The following NCOA2 variants were observed in gnomAD, a reference collection of about 807,000 sequenced individuals.
NCOA2 encodes nuclear receptor coactivator 2.
Under a neutral mutation model 145.1 loss-of-function variants are expected in NCOA2, and 21 were observed. The observed-to-expected ratio is 0.14, with a 90% CI of 0.10 to 0.21. The LOEUF (loss-of-function observed/expected upper bound fraction) is 0.21. NCOA2 is among the 10% of genes least tolerant of loss of function. The pLI is 1.00. For missense variants in NCOA2, 1,472 were observed against 1,837.6 expected (o/e 0.80, Z 3.64); for synonymous variants, 619 against 637.5 (o/e 0.97, Z 0.44).
intron 1 of NCOA2, among the ~76,000 whole-genome samples, chr8:70,377,024 G>A (rs1811735862): frequency 1.3e-5 from 2 of 151,064 alleles, no homozygotes; most frequent in Non-Finnish European, 2.9e-5. Flanking sequence ...CACAGATGAC[G>A]ATGATGGCTT....
At chr8:70,162,990 C>T in intron 8 of NCOA2, 136 bp from the exon 9 acceptor site, 1 of 813,914 alleles carries the variant, frequency 1.2e-6, no homozygotes, top group Non-Finnish European at 1.8e-6. Flanking sequence ...TCTCAGCTCA[C>T]TGCAACCTCT....
intron 2 of NCOA2, among the ~76,000 whole-genome samples, chr8:70,266,483 T>C (rs1286204040): frequency 6.6e-6 from 1 of 152,176 alleles, no homozygotes; most frequent in Non-Finnish European, 1.5e-5. Flanking sequence ...AAAGCGGTTA[T>C]TTCTAACTGT....
the NCOA2 span, among the ~76,000 whole-genome samples, chr8:70,444,339 G>A: frequency 6.6e-6 from 1 of 152,218 alleles, no homozygotes; most frequent in African/African-American, 2.4e-5. Flanking sequence ...AGAGGTTAGG[G>A]AGTGGGGTAG....
intron 2 of NCOA2, among the ~76,000 whole-genome samples, chr8:70,275,844 T>C (rs1388350392): frequency 1.3e-5 from 2 of 152,202 alleles, no homozygotes; most frequent in Non-Finnish European, 2.9e-5. Flanking sequence ...GTGTCATAGA[T>C]ATATAGATAG....
chr8:70,223,752 G>A (rs1820365859), intron 2 of NCOA2, among the ~76,000 whole-genome samples: 1 of 152,182 alleles, frequency 6.6e-6, no homozygotes, highest in South Asian at 2.1e-4. Context: ...GAGAAATAAA[G>A]TAACTTGAAC....
At chr8:70,253,981 C>T (rs1375592504) in intron 2 of NCOA2, among the ~76,000 whole-genome samples, 1 of 152,106 alleles carries the variant, frequency 6.6e-6, no homozygotes, top group Non-Finnish European at 1.5e-5. Context: ...AAAAAAACTG[C>T]AAACCGTATA....
intron 2 of NCOA2, among the ~76,000 whole-genome samples, chr8:70,280,817 A>G (rs1028318408): frequency 3.3e-5 from 5 of 152,042 alleles, no homozygotes; most frequent in Non-Finnish European, 7.4e-5. Context: ...AATCCATTCT[A>G]CCCCTTACTT....
At chr8:70,228,832 A>G (rs1262255110) in intron 2 of NCOA2, among the ~76,000 whole-genome samples, 2 of 152,346 alleles carry the variant, frequency 1.3e-5, no homozygotes, top group Middle Eastern at 3.4e-3. Context: ...TCTGCCTGAT[A>G]CTAAAATGAA....
chr8:70,153,180 G>A (rs1811934053), intron 11 of NCOA2, among the ~76,000 whole-genome samples: 1 of 152,164 alleles, frequency 6.6e-6, no homozygotes, highest in Non-Finnish European at 1.5e-5. Flanking sequence ...AGTAAAGGGA[G>A]GGCGAGACCA....
the NCOA2 span, among the ~76,000 whole-genome samples, chr8:70,443,272 G>A: frequency 6.6e-6 from 1 of 152,064 alleles, no homozygotes; most frequent in South Asian, 2.1e-4. Context: ...AGGAGGCTGA[G>A]GCAGGAGGAT....
At chr8:70,273,993 T>C (rs1272131219) in intron 2 of NCOA2, among the ~76,000 whole-genome samples, 3 of 152,234 alleles carry the variant, frequency 2.0e-5, no homozygotes, top group Non-Finnish European at 4.4e-5. Flanking sequence ...CTCAAGTCCC[T>C]TGGACACTAC....
intron 13 of NCOA2, among the ~76,000 whole-genome samples, chr8:70,142,891 T>C: frequency 6.6e-6 from 1 of 151,966 alleles, no homozygotes. Context: ...TGATCCATAA[T>C]TCAACAATAT....
intron 4 of NCOA2, among the ~76,000 whole-genome samples, chr8:70,193,965 T>C (rs1042275809): frequency 6.6e-6 from 1 of 152,210 alleles, no homozygotes; most frequent in Non-Finnish European, 1.5e-5. Context: ...TTTACTCTTC[T>C]TCCTCAGACA....
At chr8:70,157,708 G>A (rs1222160216) in intron 10 of NCOA2, among the ~76,000 whole-genome samples, 13 of 152,248 alleles carry the variant, frequency 8.5e-5, no homozygotes, top group South Asian at 2.1e-4. Flanking sequence ...AGATAAACAC[G>A]CTTAGGGGAA....
chr8:70,417,798 T>G, the NCOA2 span, among the ~76,000 whole-genome samples: 1 of 152,220 alleles, frequency 6.6e-6, no homozygotes, highest in Non-Finnish European at 1.5e-5. Context: ...CTAATAGATC[T>G]TCTGCATTTC....
chr8:70,201,217 A>G (rs140734575), intron 4 of NCOA2, among the ~76,000 whole-genome samples: 49 of 152,292 alleles, frequency 3.2e-4, no homozygotes, highest in African/African-American at 1.0e-3. Context: ...CTTTAAATCA[A>G]TAAGTATTAC....
At chr8:70,379,251 C>T (rs537866798) in intron 1 of NCOA2, among the ~76,000 whole-genome samples, 4 of 152,256 alleles carry the variant, frequency 2.6e-5, no homozygotes, top group Non-Finnish European at 5.9e-5. Context: ...AAGCATTATA[C>T]CCACCCTCCA....
chr8:70,283,681 CA>C (rs1430638659), intron 2 of NCOA2, among the ~76,000 whole-genome samples: 1 of 152,106 alleles, frequency 6.6e-6, no homozygotes, highest in Non-Finnish European at 1.5e-5. Flanking sequence ...GATAATATGT[CA>C]AAATAATACA....
the NCOA2 span, among the ~76,000 whole-genome samples, chr8:70,439,671 G>C: frequency 6.6e-6 from 1 of 152,166 alleles, no homozygotes; most frequent in South Asian, 2.1e-4. Flanking sequence ...CATTCCCAGG[G>C]TGGAACAGAG....
Sources: allele counts gnomAD v4.1 joint callset (sites outside exome capture counted in the v4.1 genomes callset), GRCh38; gene constraint gnomAD v4.1.1; transcripts MANE v1.5; gene names NCBI Gene and HGNC (gene_info 2026-07-23, HGNC 2026-07-21).